CCSER2: variants seen among roughly 807,000 people sequenced by gnomAD.
CCSER2 encodes the protein serine-rich coiled-coil domain-containing protein 2.
A neutral mutation model predicts 92.3 loss-of-function variants in CCSER2; 46 were observed. The observed-to-expected ratio is 0.50, with a 90% confidence interval of 0.39 to 0.64. The LOEUF (loss-of-function observed/expected upper bound fraction) is 0.64, where lower values mean the gene tolerates loss of function less well. CCSER2 is among the 30% of genes least tolerant of loss of function. CCSER2 has a pLI of 0.00. For synonymous variants in CCSER2, 433 were observed against 431.4 expected (o/e 1.00, Z -0.04); for missense variants, 1,244 against 1,238.9 (o/e 1.00, Z -0.06).
At position 84,485,392 on chromosome 10, in the gene CCSER2, C is replaced by G. The variant is rs554223341; in HGVS notation, c.2325+7728C>G. On this transcript the variant is annotated intron_variant, in intron 9 of 9. Coordinates refer to ENST00000372088, the MANE Select transcript of CCSER2 (RefSeq NM_001284240.2). Reference sequence around the variant, plus strand: ...CCATTCTCACTTTCTCTCACCATTCCTAACCTCTGGTAACCACTAAAACTG... The same window carrying G: ...CCATTCTCACTTTCTCTCACCATTCGTAACCTCTGGTAACCACTAAAACTG... 3.9e-5 allele frequency among the ~76,000 whole-genome samples: 6 copies of G among 152,308 alleles called. No homozygotes were observed. In the South Asian group the frequency reaches 1.2e-3, roughly 32 times the overall value.
At chr10:84,356,625 A>G (rs1371494048) in intron 1 of CCSER2, among the ~76,000 whole-genome samples, 1 of 152,234 alleles carries the variant, frequency 6.6e-6, no homozygotes, top group Admixed American at 6.5e-5. Context: ...TTGAGATTCT[A>G]AATTAGAATA....
intron 3 of CCSER2, among the ~76,000 whole-genome samples, chr10:84,399,327 C>A (rs1232642799): frequency 6.6e-6 from 1 of 152,092 alleles, no homozygotes; most frequent in South Asian, 2.1e-4. Flanking sequence ...TATAATAATA[C>A]CCTCTAGTTC....
chr10:84,465,653 T>C (rs1218900442), intron 7 of CCSER2, among the ~76,000 whole-genome samples: 2 of 152,092 alleles, frequency 1.3e-5, no homozygotes, highest in African/African-American at 4.8e-5. Context: ...AGAAAAAAAA[T>C]TAATTCCAAC....
At chr10:84,354,312 T>C (rs941986915) in intron 1 of CCSER2, among the ~76,000 whole-genome samples, 1 of 151,998 alleles carries the variant, frequency 6.6e-6, no homozygotes, top group Non-Finnish European at 1.5e-5. Flanking sequence ...ACTGTTTATC[T>C]CTTTATTCTT....
intron 1 of CCSER2, among the ~76,000 whole-genome samples, chr10:84,338,291 T>TTAA: frequency 9.2e-6 from 1 of 108,804 alleles, no homozygotes; most frequent in Admixed American, 8.9e-5. Context: ...AAGAAAAACT[T>TTAA]AAAAAAAAAA....
chr10:84,442,595 C>A (rs556153892), intron 6 of CCSER2, among the ~76,000 whole-genome samples: 8 of 152,246 alleles, frequency 5.3e-5, no homozygotes, highest in East Asian at 3.9e-4. Flanking sequence ...TAAAAAATCT[C>A]TTTTCTCATT....
intron 3 of CCSER2, 100 bp from the exon 4 acceptor site, chr10:84,417,671 G>A (rs1842950681): frequency 4.9e-6 from 3 of 610,120 alleles, no homozygotes; most frequent in Admixed American, 4.8e-5. Context: ...TGCAGATAAT[G>A]AGTGAATTCA....
At position 84,513,857 on chromosome 10, in the gene CCSER2, G is replaced by C. The variant is rs1849495506; in HGVS notation, c.2734G>C (p.Gly912Arg). The change falls in exon 10 of 10, where the codon GGT becomes CGT. Residue 912 changes from glycine to arginine, a missense_variant. Coordinates refer to ENST00000372088, the MANE Select transcript of CCSER2 (RefSeq NM_001284240.2). ...RVGRNQSPPVGYMSQPKSLQL... is the reference protein window; with the variant it reads ...RVGRNQSPPVRYMSQPKSLQL... ...TGGAAGAAATCAGTCTCCGCCAGTG[G>C]GTTATATGTCTCAGCCCAAGTCCTT... 3 of 1,536,144 alleles carry C rather than the reference G, an allele frequency of 2.0e-6. No homozygotes were observed. In the Admixed American group the frequency reaches 5.9e-5, roughly 30 times the overall value.
At chr10:84,472,222 T>A (rs1846850567) in intron 8 of CCSER2, among the ~76,000 whole-genome samples, 1 of 152,060 alleles carries the variant, frequency 6.6e-6, no homozygotes, top group Admixed American at 6.6e-5. Context: ...GTAACTTGCT[T>A]TGTATAAAAA....
At chr10:84,491,975 C>T (rs1369873827) in intron 9 of CCSER2, among the ~76,000 whole-genome samples, 3 of 151,980 alleles carry the variant, frequency 2.0e-5, no homozygotes, top group African/African-American at 7.2e-5. Flanking sequence ...ATTGCTGATA[C>T]TTAGAAAAAA....
chr10:84,517,004 T>G lies in CCSER2; in HGVS notation c.*2737T>G, dbSNP rs1016343758. The G allele has an allele frequency of 6.6e-6, 1 of 152,228 alleles. No homozygotes were observed. The highest frequency in any genetic ancestry group is 1.5e-5 in the Non-Finnish European group (1 of 68,030). The allele number at this position is 152,228 out of a possible 1,614,324, so 9.4% of individuals were successfully genotyped here. On this transcript the variant is annotated 3_prime_UTR_variant, in exon 10 of 10. Transcript: ENST00000372088. ...AATGGAAGTGAGGATGTAACTCTACTGAATAATCAAAGATCATCTTAGATT... is the reference window on the plus strand; with the variant it reads ...AATGGAAGTGAGGATGTAACTCTACGGAATAATCAAAGATCATCTTAGATT...
chr10:84,492,788 T>C (rs1848243668), intron 9 of CCSER2, among the ~76,000 whole-genome samples: 1 of 152,206 alleles, frequency 6.6e-6, no homozygotes, highest in African/African-American at 2.4e-5. Context: ...ACTAATCTCA[T>C]AGGCCTGAAA....
chr10:84,489,998 A>G (rs551732422), intron 9 of CCSER2, among the ~76,000 whole-genome samples: 2 of 152,250 alleles, frequency 1.3e-5, no homozygotes, highest in East Asian at 3.9e-4. Flanking sequence ...TTCACTTATG[A>G]AGCTTAGTTT....
chr10:84,387,429 T>G (rs2133240959), intron 3 of CCSER2, among the ~76,000 whole-genome samples: 1 of 152,352 alleles, frequency 6.6e-6, no homozygotes, highest in South Asian at 2.1e-4. Flanking sequence ...TACTCCTTTC[T>G]TCGTACGTCT....
At chr10:84,428,562 AG>A (rs1843570225) in intron 5 of CCSER2, among the ~76,000 whole-genome samples, 1 of 152,130 alleles carries the variant, frequency 6.6e-6, no homozygotes, top group African/African-American at 2.4e-5. Context: ...ATCTGCAAAT[AG>A]TTTTTACCTT....
intron 1 of CCSER2, among the ~76,000 whole-genome samples, chr10:84,353,293 T>C (rs1165692282): frequency 6.6e-6 from 1 of 152,144 alleles, no homozygotes; most frequent in Non-Finnish European, 1.5e-5. Context: ...CTGTCTTCCA[T>C]GGGTGTTCCT....
chr10:84,475,623 T>C (rs1847093130), intron 8 of CCSER2, among the ~76,000 whole-genome samples: 1 of 152,182 alleles, frequency 6.6e-6, no homozygotes, highest in Admixed American at 6.5e-5. Context: ...TTTTTAGTAA[T>C]ATTATGAGTT....
chr10:84,357,336 A>G (rs1300501064), intron 1 of CCSER2, among the ~76,000 whole-genome samples: 1 of 152,224 alleles, frequency 6.6e-6, no homozygotes, highest in African/African-American at 2.4e-5. Flanking sequence ...CTGATGACTA[A>G]CTACACCGTC....
At chr10:84,468,152 G>A (rs546815429) in intron 7 of CCSER2, among the ~76,000 whole-genome samples, 2 of 152,172 alleles carry the variant, frequency 1.3e-5, no homozygotes, top group South Asian at 2.1e-4. Context: ...TTCTCCAGAC[G>A]TGCTATGCTT....
Sources: allele counts gnomAD v4.1 joint callset (sites outside exome capture counted in the v4.1 genomes callset), GRCh38; gene constraint gnomAD v4.1.1; transcripts MANE v1.5; gene names NCBI Gene and HGNC (gene_info 2026-07-23, HGNC 2026-07-21).